Variants in RARB observed in about 807,000 individuals in gnomAD.
RARB encodes HBV-activated protein.
RARB carries 17 observed loss-of-function variants against 51.9 expected under a neutral mutation model. The ratio of observed to expected loss-of-function variants is 0.33; its 90% CI spans 0.22 to 0.49. The LOEUF (loss-of-function observed/expected upper bound fraction) is 0.49. Among genes scored for constraint, RARB ranks in the 20% least tolerant of loss-of-function variants. The probability of loss-of-function intolerance (pLI) is 0.99; values close to 1 mark genes in which losing one functional copy is unlikely to be tolerated. For missense variants in RARB, 369 were observed against 550.8 expected, an observed-to-expected ratio of 0.67 and a Z score of 3.30; for synonymous variants, 215 against 195.4, an observed-to-expected ratio of 1.10 and a Z score of -0.84.
intron 5 of RARB, among the ~76,000 whole-genome samples, chr3:25,588,530 T>C (rs1272837843): frequency 6.6e-6 from 1 of 152,166 alleles, no homozygotes; most frequent in African/African-American, 2.4e-5. Flanking sequence ...TGTAACAAAA[T>C]ACCACAAAAC....
intron 5 of RARB, among the ~76,000 whole-genome samples, chr3:25,233,203 A>G (rs73149257): frequency 0.012 from 1,820 of 152,046 alleles, 34 homozygotes; most frequent in African/African-American, 0.042. Flanking sequence ...TCATGATCCA[A>G]TCACCTCAGC....
intron 5 of RARB, among the ~76,000 whole-genome samples, chr3:25,583,423 G>T (rs893323977): frequency 1.3e-5 from 2 of 152,226 alleles, no homozygotes; most frequent in Non-Finnish European, 2.9e-5. Context: ...AGGGTCACCA[G>T]CCCTGATTGA....
intron 5 of RARB, among the ~76,000 whole-genome samples, chr3:25,306,106 A>G (rs189627649): frequency 6.6e-6 from 1 of 152,212 alleles, no homozygotes; most frequent in South Asian, 2.1e-4. Context: ...TTGAGAACAC[A>G]GGGGGAAAAA....
chr3:25,170,675 A>G (rs1184901455), intron 4 of RARB, among the ~76,000 whole-genome samples: 1 of 152,254 alleles, frequency 6.6e-6, no homozygotes, highest in African/African-American at 2.4e-5. Flanking sequence ...CCTCTCGTGA[A>G]TGAAATGCAA....
chr3:24,875,623 C>A (rs1703028954), intron 2 of RARB, among the ~76,000 whole-genome samples: 1 of 152,046 alleles, frequency 6.6e-6, no homozygotes, highest in Non-Finnish European at 1.5e-5. Context: ...TGTGAAATGT[C>A]TATTTTCAGG....
At chr3:25,444,470 T>C (rs1232280883) in intron 1 of RARB, among the ~76,000 whole-genome samples, 2 of 152,246 alleles carry the variant, frequency 1.3e-5, no homozygotes, top group Non-Finnish European at 2.9e-5. Context: ...TTCCTTTTTA[T>C]GTCCTAATTC....
Position 24,877,346 on chromosome 3 carries a change from C to CTTTTTTTTTTTTTTTTTTTTT in RARB, c.-380+18611_-380+18612insTTTTTTTTTTTTTTTTTTTTT, listed in dbSNP as rs66976672. Among the ~76,000 whole-genome samples the CTTTTTTTTTTTTTTTTTTTTT allele has an allele frequency of 3.3e-3, 272 of 81,866 alleles. 44 individuals carry two copies. The highest frequency in any genetic ancestry group is 0.016 in the East Asian group (40 of 2,452). 53.7% of individuals were successfully genotyped at this position (81,866 alleles called of 152,430 possible). A position where few individuals can be genotyped will look rare whatever the true frequency, so the allele number is the denominator to read the frequency against. On this transcript the variant is annotated intron_variant, in intron 2 of 11. Coordinates refer to the RARB transcript ENST00000383772. ...ATAGTAATTTTTTAAAGCAATCTTA[C>CTTTTTTTTTTTTTTTTTTTTT]TTTTTTTTTTTTTTTTTGGAAAATT... is the stretch of plus-strand genomic sequence containing the variant.
At chr3:25,457,468 T>G (rs957129278) in intron 1 of RARB, among the ~76,000 whole-genome samples, 1 of 152,228 alleles carries the variant, frequency 6.6e-6, no homozygotes, top group African/African-American at 2.4e-5. Context: ...CACTATTGAT[T>G]ACTTACAATA....
chr3:25,559,562 T>C (rs912233265), intron 3 of RARB, among the ~76,000 whole-genome samples: 25 of 152,258 alleles, frequency 1.6e-4, no homozygotes, highest in African/African-American at 6.0e-4. Context: ...GATACCTTCT[T>C]ACTCTTGTGT....
At chr3:25,020,345 C>A in intron 2 of RARB, 1 of 152,022 alleles carries the variant, frequency 6.6e-6, no homozygotes, top group Middle Eastern at 3.4e-3. Context: ...TGATACCAAA[C>A]TTAGTGTAGA....
At chr3:25,006,547 A>C (rs545757645) in intron 2 of RARB, among the ~76,000 whole-genome samples, 2 of 152,302 alleles carry the variant, frequency 1.3e-5, no homozygotes, top group African/African-American at 4.8e-5. Context: ...GGTATTGCAC[A>C]AGACTTTGCA....
intron 2 of RARB, among the ~76,000 whole-genome samples, chr3:24,910,183 A>G (rs1694961428): frequency 6.6e-6 from 1 of 152,160 alleles, no homozygotes; most frequent in Non-Finnish European, 1.5e-5. Flanking sequence ...CAAGCTAAAT[A>G]TAATTTCACA....
chr3:24,975,259 C>A (rs1696485753), intron 2 of RARB, among the ~76,000 whole-genome samples: 1 of 152,030 alleles, frequency 6.6e-6, no homozygotes, highest in South Asian at 2.1e-4. Context: ...GTTAGTTGCT[C>A]AATAAATGAT....
At chr3:25,365,211 T>C (rs953000789) in intron 5 of RARB, among the ~76,000 whole-genome samples, 22 of 138,006 alleles carry the variant, frequency 1.6e-4, no homozygotes, top group Non-Finnish European at 2.8e-4. Flanking sequence ...TTTTTTTTTT[T>C]TTTTTTTTTT....
intron 5 of RARB, among the ~76,000 whole-genome samples, chr3:25,317,561 T>G (rs1293227867): frequency 5.3e-5 from 8 of 152,094 alleles, no homozygotes; most frequent in Admixed American, 5.2e-4. Context: ...ATAACATGGG[T>G]AGTAACCATT....
chr3:25,293,734 T>G (rs748930113), intron 5 of RARB, among the ~76,000 whole-genome samples: 26 of 152,224 alleles, frequency 1.7e-4, no homozygotes, highest in South Asian at 4.1e-4. Context: ...TGTCTCAGGT[T>G]TAGGAGTTCT....
chr3:25,386,858 T>A (rs1436044125), intron 5 of RARB, among the ~76,000 whole-genome samples: 1 of 152,216 alleles, frequency 6.6e-6, no homozygotes, highest in African/African-American at 2.4e-5. Context: ...AGGTGCTGTG[T>A]TCACCCAGAA....
intron 5 of RARB, among the ~76,000 whole-genome samples, chr3:25,327,342 G>A (rs1704752020): frequency 6.6e-6 from 1 of 151,966 alleles, no homozygotes; most frequent in Admixed American, 6.6e-5. Flanking sequence ...ACATCAAGCA[G>A]CACTACTACA....
At chr3:25,164,435 C>G (rs920173231) in intron 4 of RARB, among the ~76,000 whole-genome samples, 8 of 152,306 alleles carry the variant, frequency 5.3e-5, no homozygotes, top group Non-Finnish European at 1.2e-4. Context: ...TGTGGCAACT[C>G]TGACAGTCCT....
Sources: gnomAD v4.1 joint callset for allele counts (sites outside exome capture counted in the v4.1 genomes callset) on GRCh38, gnomAD v4.1.1 for gene constraint, MANE v1.5 for transcripts, NCBI Gene and HGNC (gene_info 2026-07-23, HGNC 2026-07-21) for gene names.